The following NCOR1 variants were observed in gnomAD, a reference collection of about 807,000 sequenced individuals.
NCOR1 encodes nuclear receptor corepressor 1.
Under a neutral mutation model 288.1 loss-of-function variants are expected in NCOR1, and 63 were observed. That is an observed-to-expected ratio of 0.22 (90% confidence interval 0.18 to 0.27). The LOEUF (loss-of-function observed/expected upper bound fraction) is 0.27. NCOR1 is among the 10% of genes least tolerant of loss of function. NCOR1 has a pLI of 1.00. For missense variants in NCOR1, 2,397 were observed against 3,019.2 expected (o/e 0.79, Z 4.83); for synonymous variants, 1,007 against 1,065.9 (o/e 0.94, Z 1.08).
intron 19 of NCOR1, among the ~76,000 whole-genome samples, chr17:16,107,920 G>GA (rs906063873): frequency 4.6e-4 from 67 of 145,954 alleles, no homozygotes; most frequent in African/African-American, 1.2e-3. Flanking sequence ...TAATCTATAG[G>GA]AAAAAAAAAA....
chr17:16,128,049 G>A (rs1228088866), intron 14 of NCOR1, among the ~76,000 whole-genome samples: 1 of 151,950 alleles, frequency 6.6e-6, no homozygotes, highest in Admixed American at 6.6e-5. Flanking sequence ...CGAATGCTGG[G>A]ATTACATGCA....
At position 16,080,686 on chromosome 17, in the gene NCOR1, G is replaced by C. The variant is rs143283454; in HGVS notation, c.3219C>G (p.Ser1073=). The change falls in exon 24 of 46, where the codon TCC becomes TCG. Residue 1073 remains serine (S), a synonymous_variant. Transcript: ENST00000268712. ...GTYLTSHNQA[S]YTQETPKPSV... is the part of the protein sequence containing the mutation. ...ACGGCTTGGGTGTTTCTTGAGTGTA[G>C]GAAGCCTGATTATGAGAAGTCAAAT... 1.9e-6 allele frequency: 3 copies of C among 1,613,726 alleles called. No individual in the cohort carries two copies. In the African/African-American group the frequency reaches 4.0e-5, roughly 22 times the overall value.
At chr17:16,214,024 A>C (rs1347867850) in intron 1 of NCOR1, among the ~76,000 whole-genome samples, 1 of 152,224 alleles carries the variant, frequency 6.6e-6, no homozygotes, top group African/African-American at 2.4e-5. Flanking sequence ...GGTACTATAA[A>C]TATTAAAACA....
At chr17:16,081,058 TAAA>T (rs1349016512) in intron 23 of NCOR1, among the ~76,000 whole-genome samples, 1 of 151,892 alleles carries the variant, frequency 6.6e-6, no homozygotes, top group East Asian at 1.9e-4. Context: ...TCATTCCGAC[TAAA>T]AATGCTATGG....
chr17:16,092,680 TA>T (rs1567959087), intron 21 of NCOR1, among the ~76,000 whole-genome samples: 331 of 22,544 alleles, frequency 0.015, 19 homozygotes, highest in South Asian at 0.018. Context: ...TATATATATA[TA>T]TATATATATA....
intron 3 of NCOR1, among the ~76,000 whole-genome samples, chr17:16,177,331 C>A (rs913613362): frequency 2.0e-5 from 3 of 150,694 alleles, no homozygotes; most frequent in African/African-American, 7.5e-5. Context: ...ATAGCACTTA[C>A]GAGGCATGCT....
chr17:16,148,753 T>C (rs1222867818), intron 9 of NCOR1, among the ~76,000 whole-genome samples: 6 of 148,890 alleles, frequency 4.0e-5, no homozygotes, highest in Admixed American at 1.3e-4. Flanking sequence ...ACATTAGACG[T>C]TTTCCACCAA....
intron 18 of NCOR1, among the ~76,000 whole-genome samples, chr17:16,114,143 C>CAAAAAAA (rs71353770): frequency 0.065 from 1,117 of 17,296 alleles, 30 homozygotes; most frequent in Middle Eastern, 0.1. Flanking sequence ...TGGCGGCAGG[C>CAAAAAAA]AAAAAAAAAA....
chr17:16,180,555 AG>A (rs1600072809), intron 3 of NCOR1, among the ~76,000 whole-genome samples: 1 of 152,020 alleles, frequency 6.6e-6, no homozygotes, highest in South Asian at 2.1e-4. Flanking sequence ...GTTGGAGACC[AG>A]CCTGGATATA....
chr17:16,120,976 T>C (rs894647588), intron 16 of NCOR1, 76 bp downstream of exon 16: 1 of 1,338,400 alleles, frequency 7.5e-7, no homozygotes, highest in Non-Finnish European at 1.0e-6. Flanking sequence ...TTAAAAGTCC[T>C]TTCTACCCTA....
chr17:16,129,148 T>C (rs2075218255), intron 14 of NCOR1, among the ~76,000 whole-genome samples: 2 of 152,198 alleles, frequency 1.3e-5, no homozygotes, highest in Admixed American at 1.3e-4. Flanking sequence ...ATCTCACAGT[T>C]AAAATACTTT....
intron 5 of NCOR1, among the ~76,000 whole-genome samples, chr17:16,159,841 C>CT (rs776625584): frequency 0.066 from 9,306 of 141,716 alleles, 354 homozygotes; most frequent in African/African-American, 0.096. Context: ...TTAGGTCAAT[C>CT]TTTTTTTTTT....
At position 16,032,168 on chromosome 17, in the gene NCOR1, G is replaced by T; in HGVS notation, c.*128C>A. The T allele has an allele frequency of 1.1e-6, 1 of 895,634 alleles. No individual in the cohort carries two copies. The highest frequency in any genetic ancestry group is 1.6e-6 in the Non-Finnish European group (1 of 625,866). The allele number at this position is 895,634 out of a possible 1,614,324, so 55.5% of individuals were successfully genotyped here. On this transcript the variant is annotated 3_prime_UTR_variant, in exon 46 of 46. Transcript: ENST00000268712. ...TTCCATCATTTCTTCATCATCTGTG[G>T]GCTGGCTCTCCTGAAAAGTCTCAGG...
At position 16,070,503 on chromosome 17, in the gene NCOR1, T is replaced by C. The variant is rs919779219; in HGVS notation, c.4175A>G (p.Asn1392Ser). Residue 1392 changes from asparagine to serine, a missense_variant, in exon 31 of 46, where the codon AAC becomes AGC. By Grantham distance (46) the Asn-to-Ser change is conservative (BLOSUM62 1). Transcript: ENST00000268712. ...TTTGATGGCAGATTGACCTGAGTTGTTGTCAAACTTTATTGGTGTGCCCTA... is the reference window on the plus strand; with the variant it reads ...TTTGATGGCAGATTGACCTGAGTTGCTGTCAAACTTTATTGGTGTGCCCTA... ...ISQGTPIKFD[N>S]NSGQSAIKHN... 6 of 1,613,962 alleles carry C rather than the reference T, an allele frequency of 3.7e-6. No homozygotes were observed. The Admixed American group carries it at 5.0e-5, about 13-fold the overall frequency.
At chr17:16,127,644 T>C (rs548201899) in intron 14 of NCOR1, among the ~76,000 whole-genome samples, 1 of 146,638 alleles carries the variant, frequency 6.8e-6, no homozygotes, top group Non-Finnish European at 1.5e-5. Context: ...TGTATATATG[T>C]GTATGTGTAT....
intron 7 of NCOR1, 115 bp downstream of exon 7, chr17:16,153,224 C>T: frequency 1.4e-6 from 1 of 702,370 alleles, no homozygotes. Flanking sequence ...TACATCTCTG[C>T]TCAGCTACAT....
Position 16,101,530 on chromosome 17 carries a change from T to G in NCOR1, c.2410A>C (p.Ser804Arg), listed in dbSNP as rs762866050. The change falls in exon 20 of 46, where the codon AGT (serine) becomes CGT (arginine). Residue 804 changes from serine (S) to arginine (R), a missense_variant. Coordinates refer to ENST00000268712, the MANE Select transcript of NCOR1 (RefSeq NM_006311.4). ...EQMDVDQQEH[S>R]AEEGSVCDPP... ...TCACAAACAGAACCCTCTTCAGCAC[T>G]GTGCTCCTGCTGATCTACATCCATC... 1 of 1,614,234 alleles carries G rather than the reference T, an allele frequency of 6.2e-7. No homozygotes were observed.
chr17:16,053,379 C>T (rs759054240), intron 40 of NCOR1, among the ~76,000 whole-genome samples: 3 of 152,072 alleles, frequency 2.0e-5, no homozygotes, highest in Admixed American at 1.3e-4. Context: ...AAATCACTAG[C>T]GTTCCTATAC....
Position 16,042,948 on chromosome 17 carries a change from TAGATG to T in NCOR1, c.6680-2459_6680-2455del, listed in dbSNP as rs373439247. Among the ~76,000 whole-genome samples the T allele has an allele frequency of 1.9e-3, 290 of 151,902 alleles. 2 individuals carry two copies. The highest frequency in any genetic ancestry group is 6.8e-3 in the Middle Eastern group (2 of 294). ...CAAGCGACCATTCAACTCCCCAGAG[TAGATG>T]AGATGACTCAAATTATAAGACATGA... is the stretch of plus-strand genomic sequence containing the variant. On this transcript the variant is annotated intron_variant, in intron 42 of 45. Coordinates refer to ENST00000268712, the MANE Select transcript of NCOR1 (RefSeq NM_006311.4).
Sources: gnomAD v4.1 joint callset for allele counts (sites outside exome capture counted in the v4.1 genomes callset) on GRCh38, gnomAD v4.1.1 for gene constraint, MANE v1.5 for transcripts, NCBI Gene and HGNC (gene_info 2026-07-23, HGNC 2026-07-21) for gene names.